PCDHA5: variants seen among roughly 807,000 people sequenced by gnomAD.
The protein encoded by PCDHA5 is protocadherin alpha-5.
PCDHA5 carries 43 observed loss-of-function variants against 61.6 expected under a neutral mutation model. The observed-to-expected ratio is 0.70, with a 90% CI of 0.55 to 0.90. The LOEUF is 0.90. Ranked by LOEUF, PCDHA5 falls within the 40% of genes least tolerant of loss-of-function variation. The pLI, the probability that PCDHA5 is intolerant of heterozygous loss-of-function variation, is 0.00. For missense variants in PCDHA5, 1,298 were observed against 1,222.7 expected (o/e 1.06, Z -0.92); for synonymous variants, 627 against 543.9 (o/e 1.15, Z -2.13).
At chr5:140,843,379 T>G in intron 1 of PCDHA5, 1 of 1,595,912 alleles carries the variant, frequency 6.3e-7, no homozygotes, top group Non-Finnish European at 8.6e-7. Flanking sequence ...CGGCTGGCGT[T>G]TTGGGTCCGG....
At chr5:140,844,257 G>C (rs1328189428) in intron 1 of PCDHA5, among the ~76,000 whole-genome samples, 7 of 149,406 alleles carry the variant, frequency 4.7e-5, no homozygotes, top group African/African-American at 1.7e-4. Context: ...AAGCAGTGTA[G>C]TGATAAAATA....
rs188796483 is a variant in PCDHA5 at position 140,869,402 on chromosome 5, C to T, written c.2352+45275C>T. On this transcript the variant is annotated intron_variant, in intron 1 of 3. Transcript: ENST00000529859. The stretch of plus-strand genomic sequence containing the variant: ...CGCGAGGAGCTGTGCGGGCAGAGCG[C>T]GGAGTGCAGCATCCACCTGGAGGTG... 9.6e-4 allele frequency: 1,554 copies of T among 1,614,178 alleles called. 9 individuals are homozygous for T. The highest frequency in any genetic ancestry group is 2.2e-4 in the Non-Finnish European group (262 of 1,180,040).
At chr5:140,916,550 A>G (rs1355799677) in intron 1 of PCDHA5, among the ~76,000 whole-genome samples, 5 of 152,052 alleles carry the variant, frequency 3.3e-5, no homozygotes, top group Admixed American at 1.3e-4. Flanking sequence ...TGGGTTTTCT[A>G]TTTGTCCAGG....
In PCDHA5 at chr5:140,822,359, T is replaced by G. The variant is rs2150115759; in HGVS notation, c.584T>G (p.Leu195Trp). 1 of 1,614,160 alleles carries G rather than the reference T, an allele frequency of 6.2e-7. No individual in the cohort carries two copies. The highest frequency in any genetic ancestry group is 8.5e-7 in the Non-Finnish European group (1 of 1,180,028). The change falls in exon 1 of 4, where the codon TTG becomes TGG. Residue 195 changes from leucine (L) to tryptophan (W), a missense_variant. Transcript: ENST00000529859. ...GAAACGAACTTTTTAGAGCTGGTTT[T>G]GAGGAAATCCTTAGATAGAGAAGAA... ...EEETNFLELV[L>W]RKSLDREETQ... is the part of the protein sequence containing the mutation.
intron 1 of PCDHA5, chr5:140,842,447 G>T (rs200777298): frequency 6.2e-7 from 1 of 1,613,672 alleles, no homozygotes; most frequent in African/African-American, 1.3e-5. Flanking sequence ...TAGCGTGAAC[G>T]ACCTCGATTC....
At chr5:140,968,947 C>T (rs1342316299) in intron 1 of PCDHA5, 6 of 1,614,042 alleles carry the variant, frequency 3.7e-6, no homozygotes, top group Non-Finnish European at 5.1e-6. Context: ...TCATTTTGAG[C>T]ATCATCAAGT....
At chr5:140,991,228 T>C (rs2097439456) in intron 3 of PCDHA5, among the ~76,000 whole-genome samples, 1 of 152,220 alleles carries the variant, frequency 6.6e-6, no homozygotes, top group African/African-American at 2.4e-5. Flanking sequence ...CATTAATAAA[T>C]GCAGTGGTAA....
At position 140,916,114 on chromosome 5, in the gene PCDHA5, G is replaced by A. The variant is rs533496476; in HGVS notation, c.2353-62835G>A. On this transcript the variant is annotated intron_variant, in intron 1 of 3. Transcript: ENST00000529859. ...GGGAATCTGCCTGGCCACTGCTGAT[G>A]TTCACTTAAAGCTTAAGGGCTGTTC... 5.9e-5 allele frequency among the ~76,000 whole-genome samples: 9 copies of A among 152,238 alleles called. No homozygotes were observed. In the East Asian group the frequency reaches 1.7e-3, roughly 29 times the overall value.
intron 1 of PCDHA5, chr5:140,967,878 A>G: frequency 6.2e-7 from 1 of 1,614,152 alleles, no homozygotes; most frequent in Non-Finnish European, 8.5e-7. Flanking sequence ...ACGGACCTGT[A>G]TAGCCCAGTG....
chr5:140,883,530 A>G, intron 1 of PCDHA5: 1 of 1,614,156 alleles, frequency 6.2e-7, no homozygotes. Flanking sequence ...GTATCAGCCT[A>G]TGAACTGGTG....
chr5:140,854,536 A>G (rs930055548), intron 1 of PCDHA5: 6 of 150,026 alleles, frequency 4.0e-5, no homozygotes, highest in African/African-American at 1.5e-4. Context: ...CATTTCTGTC[A>G]GTTTTCTTAT....
At chr5:140,925,740 G>T (rs1008956010) in intron 1 of PCDHA5, among the ~76,000 whole-genome samples, 19 of 151,764 alleles carry the variant, frequency 1.3e-4, no homozygotes, top group African/African-American at 4.6e-4. Flanking sequence ...AATATTTACA[G>T]AAAGAAAATT....
intron 1 of PCDHA5, chr5:140,877,494 G>A: frequency 6.2e-7 from 1 of 1,613,890 alleles, no homozygotes; most frequent in Non-Finnish European, 8.5e-7. Context: ...AGAACGGCCA[G>A]GCCCCAAAGA....
rs1358633051 is a variant in PCDHA5, at chr5:140,859,520, T to TA, written c.2352+35401dup. On this transcript the variant is annotated intron_variant, in intron 1 of 3. Coordinates refer to ENST00000529859, the MANE Select transcript of PCDHA5 (RefSeq NM_018908.3). ...TACCTGATACCCATGATTTCATTTT[T>TA]AAAAAAAATTTATTAATTCTAGTGT... 5.7e-5 allele frequency: 11 copies of TA among 194,288 alleles called. 2 individuals are homozygous for TA. The highest frequency in any genetic ancestry group is 1.0e-4 in the Non-Finnish European group (10 of 97,338). The allele number at this position is 194,288 out of a possible 1,614,324, so 12.0% of individuals were successfully genotyped here. A position where few individuals can be genotyped will look rare whatever the true frequency, so the allele number is the denominator to read the frequency against.
At chr5:140,979,408 GT>G (rs558051720) in intron 2 of PCDHA5, among the ~76,000 whole-genome samples, 17 of 147,706 alleles carry the variant, frequency 1.2e-4, no homozygotes, top group East Asian at 4.0e-4. Flanking sequence ...TGTCTACCTT[GT>G]TTTTTTTTTA....
intron 1 of PCDHA5, among the ~76,000 whole-genome samples, chr5:140,908,277 T>C (rs2073893618): frequency 6.6e-6 from 1 of 152,162 alleles, no homozygotes; most frequent in Non-Finnish European, 1.5e-5. Context: ...CATGAGGCCA[T>C]TGTTGCAAGC....
chr5:140,936,091 C>T (rs782416143), intron 1 of PCDHA5, among the ~76,000 whole-genome samples: 2 of 152,046 alleles, frequency 1.3e-5, no homozygotes, highest in Non-Finnish European at 2.9e-5. Flanking sequence ...CAGGGTTTCA[C>T]CATGTTGGCC....
chr5:140,862,586 C>G (rs2047435706), intron 1 of PCDHA5: 3 of 498,034 alleles, frequency 6.0e-6, no homozygotes, highest in Non-Finnish European at 1.2e-5. Flanking sequence ...TTCCAGCAGC[C>G]CGAGTACATG....
chr5:140,841,990 A>C (rs1422352219), intron 1 of PCDHA5: 1 of 1,613,690 alleles, frequency 6.2e-7, no homozygotes, highest in African/African-American at 1.3e-5. Flanking sequence ...CTGAGCTCAC[A>C]GGCACTGTTC....
Sources: allele counts gnomAD v4.1 joint callset (sites outside exome capture counted in the v4.1 genomes callset), GRCh38; gene constraint gnomAD v4.1.1; transcripts MANE v1.5; gene names NCBI Gene and HGNC (gene_info 2026-07-23, HGNC 2026-07-21).